GPD1L: variants seen among roughly 807,000 people sequenced by gnomAD.
GPD1L encodes the protein glycerol-3-phosphate dehydrogenase 1-like protein.
A neutral mutation model predicts 32.9 loss-of-function variants in GPD1L; 17 were observed. That is an observed-to-expected ratio of 0.52 (90% CI 0.35 to 0.78). GPD1L has a LOEUF of 0.78. Among genes scored for constraint, GPD1L ranks in the 30% least tolerant of loss-of-function variants. GPD1L has a pLI of 0.01. For missense variants in GPD1L, 361 were observed against 447.8 expected, an observed-to-expected ratio of 0.81 and a Z score of 1.75; for synonymous variants, 187 against 165.9, an observed-to-expected ratio of 1.13 and a Z score of -0.98.
At chr3:32,125,441 C>A (rs1024734346) in intron 1 of GPD1L, among the ~76,000 whole-genome samples, 2 of 152,162 alleles carry the variant, frequency 1.3e-5, no homozygotes, top group Admixed American at 6.5e-5. Context: ...TCTTCCCAGC[C>A]CTGATTTGCG....
At chr3:32,124,355 AC>A (rs565836565) in intron 1 of GPD1L, among the ~76,000 whole-genome samples, 33 of 151,914 alleles carry the variant, frequency 2.2e-4, no homozygotes, top group African/African-American at 8.0e-4. Flanking sequence ...GTGAGCCACC[AC>A]CCCCGGCCCA....
At chr3:32,146,903 T>G (rs765198723) in intron 5 of GPD1L, among the ~76,000 whole-genome samples, 169 bp downstream of exon 5, 3 of 152,250 alleles carry the variant, frequency 2.0e-5, no homozygotes, top group Non-Finnish European at 2.9e-5. Flanking sequence ...TCCCGGGTGG[T>G]TCAGTTCCTC....
intron 4 of GPD1L, among the ~76,000 whole-genome samples, chr3:32,145,307 ACT>A (rs1700804202): frequency 6.6e-6 from 1 of 151,468 alleles, no homozygotes; most frequent in African/African-American, 2.4e-5. Context: ...CAACACAGCA[ACT>A]CTGTCTCATA....
At chr3:32,113,835 G>T (rs1700287890) in intron 1 of GPD1L, among the ~76,000 whole-genome samples, 1 of 152,124 alleles carries the variant, frequency 6.6e-6, no homozygotes, top group Non-Finnish European at 1.5e-5. Context: ...TGGTGACTTG[G>T]TTGGACACTC....
intron 1 of GPD1L, among the ~76,000 whole-genome samples, chr3:32,121,195 T>C (rs200844097): frequency 0.043 from 6,609 of 151,950 alleles, 408 homozygotes; most frequent in East Asian, 0.24. Flanking sequence ...TTAGTCTCCC[T>C]GATCCTTTCC....
Position 32,158,997 on chromosome 3 carries a change from G to C in GPD1L, c.740G>C (p.Gly247Ala), listed in dbSNP as rs1158767442. The change falls in exon 6 of 8, where the codon GGC (glycine) becomes GCC (alanine). Residue 247 changes from glycine to alanine, a missense_variant. Physicochemically the swap from Gly to Ala is moderately conservative, Grantham distance 60. Transcript: ENST00000282541. ...MIAFARIFCK[G>A]QVSTATFLES... ...GCTTTTGCCAGGATCTTCTGCAAAG[G>C]CCAAGTGTCTACAGCCACCTTCCTA... is the stretch of plus-strand genomic sequence containing the variant. 6.2e-7 allele frequency: 1 copy of C among 1,614,118 alleles called. No individual in the cohort carries two copies. The highest frequency in any genetic ancestry group is 8.5e-7 in the Non-Finnish European group (1 of 1,180,046).
intron 1 of GPD1L, among the ~76,000 whole-genome samples, chr3:32,111,169 A>C (rs755798905): frequency 6.6e-6 from 1 of 152,218 alleles, no homozygotes; most frequent in Non-Finnish European, 1.5e-5. Flanking sequence ...CCTGGCCCAA[A>C]GTTTCTTTCT....
At chr3:32,132,070 T>C (rs955085696) in intron 2 of GPD1L, among the ~76,000 whole-genome samples, 3 of 152,248 alleles carry the variant, frequency 2.0e-5, no homozygotes, top group Admixed American at 6.5e-5. Context: ...CTTTTTATTA[T>C]TGAGTTATAC....
At chr3:32,124,232 AT>A (rs1220791638) in intron 1 of GPD1L, among the ~76,000 whole-genome samples, 5 of 151,978 alleles carry the variant, frequency 3.3e-5, no homozygotes, top group Admixed American at 2.6e-4. Context: ...TGCTCAGCTA[AT>A]TTTTTGTATT....
At chr3:32,151,918 A>G (rs1230039275) in intron 5 of GPD1L, 1 of 152,774 alleles carries the variant, frequency 6.5e-6, no homozygotes, top group Non-Finnish European at 1.5e-5. Context: ...TTACTGGAAG[A>G]TGGCGATTCT....
chr3:32,160,219 G>T (rs896047179), intron 7 of GPD1L, among the ~76,000 whole-genome samples: 25 of 149,052 alleles, frequency 1.7e-4, no homozygotes, highest in Non-Finnish European at 2.7e-4. Flanking sequence ...TGGGTGGGTG[G>T]GTTGGCAGGT....
chr3:32,146,040 C>T (rs929613511), intron 4 of GPD1L, among the ~76,000 whole-genome samples: 1 of 151,096 alleles, frequency 6.6e-6, no homozygotes, highest in Non-Finnish European at 1.5e-5. Context: ...GACATTGTGT[C>T]ACTTCTTGGT....
chr3:32,124,341 A>G (rs961166773), intron 1 of GPD1L, among the ~76,000 whole-genome samples: 7 of 152,222 alleles, frequency 4.6e-5, no homozygotes, highest in Non-Finnish European at 1.0e-4. Context: ...CTGGGATTAC[A>G]GGCGTGAGCC....
intron 5 of GPD1L, among the ~76,000 whole-genome samples, chr3:32,153,496 T>C (rs1700947983): frequency 6.6e-6 from 1 of 152,214 alleles, no homozygotes; most frequent in Non-Finnish European, 1.5e-5. Context: ...GGCAGCTTCA[T>C]ATTGGTGCGA....
intron 1 of GPD1L, among the ~76,000 whole-genome samples, chr3:32,109,244 T>C (rs1700213317): frequency 6.6e-6 from 1 of 152,240 alleles, no homozygotes; most frequent in African/African-American, 2.4e-5. Context: ...CACATGTTTT[T>C]TTAACATTAG....
chr3:32,146,271 A>G (rs1000178105), intron 4 of GPD1L, among the ~76,000 whole-genome samples: 1 of 151,748 alleles, frequency 6.6e-6, no homozygotes, highest in East Asian at 1.9e-4. Context: ...TATTTTTAGT[A>G]GAGATGGGGT....
chr3:32,159,715 T>C lies in GPD1L; in HGVS notation c.959+41T>C, dbSNP rs757034620. On this transcript the variant is annotated intron_variant, in intron 7 of 7. Coordinates refer to ENST00000282541, the MANE Select transcript of GPD1L (RefSeq NM_015141.4). The stretch of plus-strand genomic sequence containing the variant: ...GCCCATGAGACCAGATAAATGTCCA[T>C]CATTCCTATTCTCAGGACTTCCAGC... The C allele has an allele frequency of 6.8e-6, 8 of 1,173,396 alleles. No individual in the cohort carries two copies. In the African/African-American group the frequency reaches 1.1e-4, roughly 15 times the overall value. 72.7% of individuals were successfully genotyped at this position (1,173,396 alleles called of 1,614,324 possible).
chr3:32,152,730 G>A (rs1356181341), intron 5 of GPD1L, among the ~76,000 whole-genome samples: 1 of 152,046 alleles, frequency 6.6e-6, no homozygotes, highest in African/African-American at 2.4e-5. Context: ...ACACTGAATG[G>A]CATAGGGTAG....
At chr3:32,109,075 T>C (rs1227486497) in intron 1 of GPD1L, among the ~76,000 whole-genome samples, 4 of 152,068 alleles carry the variant, frequency 2.6e-5, no homozygotes, top group Admixed American at 6.6e-5. Context: ...GGTCTCAATC[T>C]CCTGACCTCA....
Sources: gnomAD v4.1 joint callset for allele counts (sites outside exome capture counted in the v4.1 genomes callset) on GRCh38, gnomAD v4.1.1 for gene constraint, MANE v1.5 for transcripts, NCBI Gene and HGNC (gene_info 2026-07-23, HGNC 2026-07-21) for gene names.